DCAF8L2: variants seen among roughly 807,000 people sequenced by gnomAD.
The protein encoded by DCAF8L2 is DDB1 and CUL4 associated factor 8 like 2.
For synonymous variants in DCAF8L2, 200 were observed against 190.9 expected, an observed-to-expected ratio of 1.05 and a Z score of -0.39; for missense variants, 430 against 490.7, an observed-to-expected ratio of 0.88 and a Z score of 1.17.
At chrX:27,687,074 A>G (rs28645665) in intron 3 of DCAF8L2, among the ~76,000 whole-genome samples, 1,253 of 111,956 alleles carry the variant, frequency 0.011, 13 homozygotes, top group African/African-American at 0.038. Context: ...GTACCAGTAC[A>G]TGACCCAGAG....
intron 4 of DCAF8L2, among the ~76,000 whole-genome samples, chrX:27,722,795 G>A (rs1931944598): frequency 9.0e-6 from 1 of 111,029 alleles, no homozygotes; most frequent in Non-Finnish European, 1.9e-5. Context: ...TAGCTAATGA[G>A]ATTAATATGG....
chrX:27,473,144 T>G, the DCAF8L2 span, among the ~76,000 whole-genome samples: 3 of 112,206 alleles, frequency 2.7e-5, no homozygotes, highest in Non-Finnish European at 5.6e-5. Flanking sequence ...TCACACAATA[T>G]CACTTCTAAT....
chrX:27,703,173 C>A (rs5926867), intron 3 of DCAF8L2, among the ~76,000 whole-genome samples: 55,793 of 109,887 alleles, frequency 0.51, 10,625 homozygotes, highest in African/African-American at 0.66. Context: ...TATTGCAAAA[C>A]AGTTCGACAG....
At chrX:27,557,593 A>T in the DCAF8L2 span, among the ~76,000 whole-genome samples, 1 of 111,558 alleles carries the variant, frequency 9.0e-6, no homozygotes, top group Non-Finnish European at 1.9e-5. Context: ...TTGAATTGTG[A>T]TGCTGGAAGC....
At chrX:27,533,140 A>AAAG in the DCAF8L2 span, among the ~76,000 whole-genome samples, 117 of 26,847 alleles carry the variant, frequency 4.4e-3, 3 homozygotes, top group African/African-American at 0.02. Flanking sequence ...GGAAGGAAGG[A>AAAG]AGAAAGAGAG....
chrX:27,551,671 T>C, the DCAF8L2 span, among the ~76,000 whole-genome samples: 1 of 111,444 alleles, frequency 9.0e-6, no homozygotes, highest in Non-Finnish European at 1.9e-5. Context: ...TTTCATTACT[T>C]TTTTTATATC....
At chrX:27,650,526 T>G (rs1286269046) in intron 2 of DCAF8L2, among the ~76,000 whole-genome samples, 1 of 112,172 alleles carries the variant, frequency 8.9e-6, no homozygotes, top group Non-Finnish European at 1.9e-5. Context: ...CTTGGTTAGA[T>G]GTATTGCTAG....
chrX:27,681,110 A>T (rs1044794271), intron 3 of DCAF8L2, among the ~76,000 whole-genome samples: 1 of 111,677 alleles, frequency 9.0e-6, no homozygotes, highest in Middle Eastern at 4.6e-3. Context: ...CTAATGGAGA[A>T]GCCTTTTACT....
chrX:27,593,058 C>T (rs1232534292), intron 1 of DCAF8L2, among the ~76,000 whole-genome samples: 1 of 111,884 alleles, frequency 8.9e-6, no homozygotes, highest in African/African-American at 3.3e-5. Context: ...CTCGGCCTCC[C>T]AGAGTGCTGG....
At chrX:27,659,059 A>G (rs761912853) in intron 2 of DCAF8L2, among the ~76,000 whole-genome samples, 67 of 111,432 alleles carry the variant, frequency 6.0e-4, no homozygotes, top group African/African-American at 1.8e-3. Flanking sequence ...GGGAGTCTCA[A>G]ATGTACCCCT....
intron 1 of DCAF8L2, among the ~76,000 whole-genome samples, chrX:27,612,896 T>C (rs947490354): frequency 1.8e-5 from 2 of 111,804 alleles, no homozygotes; most frequent in Non-Finnish European, 3.8e-5. Context: ...ACCTCCACCT[T>C]TGTTGTTTTT....
rs146717862 is a variant in DCAF8L2, at chrX:27,640,622, G to A, written c.-220+8622G>A. ...TAATAGTGGGATTTCTGGGTCATGT[G>A]GCAAGTGTATGTTTAACTTCATAAA... is the stretch of plus-strand genomic sequence containing the variant. On this transcript the variant is annotated intron_variant, in intron 2 of 4. Transcript: ENST00000451261. 3.6e-3 allele frequency among the ~76,000 whole-genome samples: 396 copies of A among 111,455 alleles called. 1 individual carries two copies. Among genetic ancestry groups the A allele is most frequent in the African/African-American group, 0.012 (371 of 30,710 alleles).
intron 4 of DCAF8L2, among the ~76,000 whole-genome samples, chrX:27,722,368 C>T (rs1392217736): frequency 9.0e-6 from 1 of 111,336 alleles, no homozygotes; most frequent in Non-Finnish European, 1.9e-5. Context: ...ATTTAATAAA[C>T]CGAACCTATT....
At chrX:27,482,010 A>G in the DCAF8L2 span, among the ~76,000 whole-genome samples, 1 of 111,773 alleles carries the variant, frequency 8.9e-6, no homozygotes, top group Non-Finnish European at 1.9e-5. Flanking sequence ...TTTCCATTCT[A>G]AAATCTTTAA....
the DCAF8L2 span, among the ~76,000 whole-genome samples, chrX:27,535,285 G>T: frequency 2.7e-5 from 3 of 111,623 alleles, no homozygotes; most frequent in African/African-American, 9.8e-5. Context: ...TTCACTCAAA[G>T]AACACATCTA....
At chrX:27,524,126 C>T in the DCAF8L2 span, among the ~76,000 whole-genome samples, 1 of 111,535 alleles carries the variant, frequency 9.0e-6, no homozygotes, top group African/African-American at 3.3e-5. Flanking sequence ...CTTTTTACCT[C>T]TGGTAGAACT....
chrX:27,748,143 G>A lies in DCAF8L2; in HGVS notation c.1248G>A (p.Leu416=). ...TCAAGAAATTCACTCCTCATCATCT[G>A]GTTAATTGTGATTTCCCAACAAACA... ...GVLKKFTPHH[L]VNCDFPTNIT... is the part of the protein sequence containing the mutation. Residue 416 remains leucine (L), a synonymous_variant, in exon 5 of 5, where the codon CTG becomes CTA. Transcript: ENST00000451261. The A allele has an allele frequency of 8.3e-7, 1 of 1,211,733 alleles. No homozygotes were observed. The highest frequency in any genetic ancestry group is 1.1e-6 in the Non-Finnish European group (1 of 895,484).
chrX:27,715,366 CAAAAAAAAAA>C (rs35269496), intron 3 of DCAF8L2, among the ~76,000 whole-genome samples: 1 of 56,992 alleles, frequency 1.8e-5, no homozygotes, highest in East Asian at 6.1e-4. Flanking sequence ...GACTCCGTCT[CAAAAAAAAAA>C]AAAAAAAAAG....
chrX:27,500,291 A>G, the DCAF8L2 span, among the ~76,000 whole-genome samples: 3 of 112,282 alleles, frequency 2.7e-5, no homozygotes, highest in African/African-American at 9.7e-5. Flanking sequence ...TAAGCAATCA[A>G]GGGAAGCATC....
Sources: allele counts gnomAD v4.1 joint callset (sites outside exome capture counted in the v4.1 genomes callset), GRCh38; gene constraint gnomAD v4.1.1; transcripts MANE v1.5; gene names NCBI Gene and HGNC (gene_info 2026-07-23, HGNC 2026-07-21).